ZPBP: variants seen among roughly 807,000 people sequenced by gnomAD.
ZPBP encodes zona pellucida binding protein, also known as zona pellucida-binding protein 1.
A neutral mutation model predicts 44.8 loss-of-function variants in ZPBP; 26 were observed. The observed-to-expected ratio is 0.58, with a 90% CI of 0.43 to 0.81. The LOEUF is 0.81. Among genes scored for constraint, ZPBP ranks in the 30% least tolerant of loss-of-function variants. The pLI is 0.00. For synonymous variants in ZPBP, 174 were observed against 153.2 expected (o/e 1.14, Z -1.00); for missense variants, 409 against 434.0 (o/e 0.94, Z 0.51).
At chr7:50,051,468 G>A (rs191837359) in intron 4 of ZPBP, among the ~76,000 whole-genome samples, 7 of 152,080 alleles carry the variant, frequency 4.6e-5, no homozygotes, top group South Asian at 2.1e-4. Flanking sequence ...ATTCTGTTAC[G>A]AGGATACATG....
At chr7:50,050,280 A>T (rs1800623529) in intron 4 of ZPBP, among the ~76,000 whole-genome samples, 1 of 152,080 alleles carries the variant, frequency 6.6e-6, no homozygotes, top group African/African-American at 2.4e-5. Context: ...AGGGACAGAC[A>T]TTTAAATAAC....
At chr7:49,853,209 T>C (rs1271473142) in intron 2 of ZPBP, among the ~76,000 whole-genome samples, 1 of 152,248 alleles carries the variant, frequency 6.6e-6, no homozygotes, top group Non-Finnish European at 1.5e-5. Context: ...CCTCTCGTGG[T>C]CAGGCTCTTG....
Position 50,057,701 on chromosome 7 carries a change from C to T in ZPBP, c.487+288G>A, listed in dbSNP as rs76201566. ...ACTTAGAATTTAATATAGTACAAGC[C>T]ATAATATCATCATAATAATTTGAAA... On this transcript the variant is annotated intron_variant, in intron 4 of 7. Transcript: ENST00000046087. Among the ~76,000 whole-genome samples the T allele has an allele frequency of 4.6e-3, 696 of 152,158 alleles. 2 individuals are homozygous for T. Among genetic ancestry groups the T allele is most frequent in the African/African-American group, 0.016 (673 of 41,516 alleles).
chr7:50,027,730 A>G (rs1392188998), intron 5 of ZPBP, among the ~76,000 whole-genome samples: 1 of 152,002 alleles, frequency 6.6e-6, no homozygotes, highest in Non-Finnish European at 1.5e-5. Flanking sequence ...ATCAAAGTAG[A>G]GACATTACTA....
At chr7:50,012,709 T>C (rs556665551) in intron 6 of ZPBP, among the ~76,000 whole-genome samples, 162 of 149,252 alleles carry the variant, frequency 1.1e-3, no homozygotes, top group Admixed American at 2.0e-3. Flanking sequence ...TAGATGGTAC[T>C]TCCCCCTTTA....
At chr7:49,850,013 C>G (rs892547231), downstream of ZPBP, among the ~76,000 whole-genome samples, 4 of 152,088 alleles carry the variant, frequency 2.6e-5, no homozygotes, top group Non-Finnish European at 5.9e-5. Flanking sequence ...TGCCACTGCA[C>G]AGTGCACAGG....
At chr7:49,986,808 G>C (rs532948862) in intron 6 of ZPBP, among the ~76,000 whole-genome samples, 6 of 152,244 alleles carry the variant, frequency 3.9e-5, no homozygotes, top group Admixed American at 3.9e-4. Flanking sequence ...AGCCAATCTG[G>C]AGTGGTTCAC....
chr7:49,950,667 A>G (rs1435956554), intron 7 of ZPBP, among the ~76,000 whole-genome samples: 1 of 151,758 alleles, frequency 6.6e-6, no homozygotes, highest in Non-Finnish European at 1.5e-5. Context: ...TACTTCATAG[A>G]CCTGAGGGTA....
At position 50,081,780 on chromosome 7, in the gene ZPBP, C is replaced by T; in HGVS notation, c.328G>A (p.Val110Ile). 1 of 1,610,948 alleles carries T rather than the reference C, an allele frequency of 6.2e-7. No individual in the cohort carries two copies. Among genetic ancestry groups the T allele is most frequent in the Non-Finnish European group, 8.5e-7 (1 of 1,177,936 alleles). The change falls in exon 3 of 8, where the codon GTT (valine) becomes ATT (isoleucine). Residue 110 changes from valine to isoleucine, a missense_variant. Val to Ile is a conservative substitution (Grantham distance 29). Coordinates refer to ENST00000046087, the MANE Select transcript of ZPBP (RefSeq NM_007009.3). ...AATTGAAACAAAATCCTACCTGAAA[C>T]AACTTTTCCTTTAGGCCCATACCAT... Reference protein sequence around the residue: ...FQWYGPKGKVVSVENRTAQIT... With the variant: ...FQWYGPKGKVISVENRTAQIT...
At chr7:49,901,277 G>C (rs899739329) in intron 1 of ZPBP, 1 of 151,748 alleles carries the variant, frequency 6.6e-6, no homozygotes, top group Non-Finnish European at 1.5e-5. Context: ...AAATAAAACT[G>C]TCTTTGTTTG....
intron 3 of ZPBP, among the ~76,000 whole-genome samples, chr7:50,073,941 G>C (rs1801961934): frequency 1.3e-5 from 2 of 151,976 alleles, no homozygotes; most frequent in African/African-American, 2.4e-5. Context: ...AAATTAATGA[G>C]TAATAAATAA....
intron 1 of ZPBP, among the ~76,000 whole-genome samples, chr7:49,903,689 C>T (rs537612480): frequency 7.9e-5 from 12 of 152,196 alleles, no homozygotes; most frequent in African/African-American, 2.2e-4. Flanking sequence ...ATAACATAGA[C>T]GTATATGCAC....
intron 7 of ZPBP, among the ~76,000 whole-genome samples, chr7:49,948,395 C>T (rs1314167120): frequency 1.3e-5 from 2 of 152,086 alleles, no homozygotes; most frequent in Non-Finnish European, 2.9e-5. Flanking sequence ...AAAATAAAAC[C>T]TTTTGTGTAT....
intron 3 of ZPBP, among the ~76,000 whole-genome samples, chr7:50,069,057 G>A (rs1261084261): frequency 6.6e-6 from 1 of 152,122 alleles, no homozygotes; most frequent in Admixed American, 6.5e-5. Context: ...CATAACTTGG[G>A]CACGGCCAGA....
rs371895864 is a variant in ZPBP at position 50,020,923 on chromosome 7, T to C, written c.707-2607A>G. On this transcript the variant is annotated intron_variant, in intron 5 of 7. Transcript: ENST00000046087. Reference sequence around the variant, plus strand: ...TCAAAGAGAATTCAAAGGTTAAATATGTGTATGTAACAAAAGTTCAGGTAA... The same window carrying C: ...TCAAAGAGAATTCAAAGGTTAAATACGTGTATGTAACAAAAGTTCAGGTAA... Among the ~76,000 whole-genome samples, 15 of 152,134 alleles carry C rather than the reference T, an allele frequency of 9.9e-5. 1 individual carries two copies. The East Asian group carries it at 2.1e-3, about 22-fold the overall frequency.
intron 3 of ZPBP, among the ~76,000 whole-genome samples, chr7:50,078,895 A>G (rs777187913): frequency 1.3e-4 from 17 of 134,928 alleles, no homozygotes; most frequent in Non-Finnish European, 2.2e-4. Context: ...AAAATGGGCA[A>G]AAGACATGAA....
At chr7:49,859,473 G>A (rs1291006229) in intron 2 of ZPBP, among the ~76,000 whole-genome samples, 2 of 152,244 alleles carry the variant, frequency 1.3e-5, no homozygotes, top group East Asian at 3.9e-4. Context: ...GTTGTGAGGT[G>A]GGAAATCTGA....
chr7:50,012,082 A>G lies in ZPBP; in HGVS notation c.783+6158T>C, dbSNP rs10232540. On this transcript the variant is annotated intron_variant, in intron 6 of 7. Transcript: ENST00000046087. Reference sequence around the variant, plus strand: ...AATTAGAAAAAAAACTGAAAATGAGAGAGAACACATACCACTCAACATATC... The same window carrying G: ...AATTAGAAAAAAAACTGAAAATGAGGGAGAACACATACCACTCAACATATC... 4.5e-3 allele frequency among the ~76,000 whole-genome samples: 683 copies of G among 151,946 alleles called. 4 individuals carry two copies. The highest frequency in any genetic ancestry group is 0.016 in the African/African-American group (647 of 41,458).
intron 1 of ZPBP, among the ~76,000 whole-genome samples, chr7:49,904,667 C>T (rs977506051): frequency 1.3e-5 from 2 of 151,546 alleles, no homozygotes; most frequent in African/African-American, 2.4e-5. Context: ...TTACCTATTA[C>T]AAGAGCAGTA....
Sources: allele counts gnomAD v4.1 joint callset (sites outside exome capture counted in the v4.1 genomes callset), GRCh38; gene constraint gnomAD v4.1.1; transcripts MANE v1.5; gene names NCBI Gene and HGNC (gene_info 2026-07-23, HGNC 2026-07-21).